NHSL3: variants seen among roughly 807,000 people sequenced by gnomAD.
NHSL3 encodes the protein NHS-like protein 3.
chr1:32,757,777 C>T, the NHSL3 span, among the ~76,000 whole-genome samples: 1 of 152,182 alleles, frequency 6.6e-6, no homozygotes, highest in Admixed American at 6.5e-5. Flanking sequence ...ATGGCTGAAT[C>T]TGGATTAAAA....
At chr1:32,770,090 C>T in the NHSL3 span, 1 of 1,556,332 alleles carries the variant, frequency 6.4e-7, no homozygotes, top group Non-Finnish European at 8.7e-7. The surrounding 1 kb of genome is among the most constrained non-coding windows in gnomAD (Gnocchi z 8.3). Flanking sequence ...CGGGATGACA[C>T]CTTTGTTGGC....
At chr1:32,750,537 C>A in the NHSL3 span, among the ~76,000 whole-genome samples, 1 of 152,120 alleles carries the variant, frequency 6.6e-6, no homozygotes, top group Non-Finnish European at 1.5e-5. Context: ...GACAGAGTTT[C>A]GCTCTTGTTT....
chr1:32,774,287 C>G, the NHSL3 span: 1 of 152,350 alleles, frequency 6.6e-6, no homozygotes, highest in Admixed American at 6.5e-5. Context: ...ACCTCCCCGC[C>G]CCCTCACCAA....
At chr1:32,753,081 GC>G in the NHSL3 span, among the ~76,000 whole-genome samples, 1 of 150,560 alleles carries the variant, frequency 6.6e-6, no homozygotes, top group Non-Finnish European at 1.5e-5. Context: ...CGATTCTCCT[GC>G]CTCAGCCTTC....
chr1:32,772,395 C>T, the NHSL3 span: 4 of 1,558,886 alleles, frequency 2.6e-6, no homozygotes, highest in African/African-American at 5.5e-5. Context: ...ATGGAGGTGT[C>T]CTGCAGCTGG....
the NHSL3 span, among the ~76,000 whole-genome samples, chr1:32,743,735 C>CTT: frequency 3.3e-5 from 5 of 152,206 alleles, no homozygotes; most frequent in African/African-American, 1.2e-4. Context: ...TAGGTCACTG[C>CTT]TCCAACAGCC....
At chr1:32,773,176 G>A in the NHSL3 span, 2 of 515,926 alleles carry the variant, frequency 3.9e-6, no homozygotes, top group Admixed American at 3.1e-5. Flanking sequence ...GGGTGGCTGC[G>A]CCCCCTGCTG....
the NHSL3 span, among the ~76,000 whole-genome samples, chr1:32,763,259 C>T: frequency 6.6e-6 from 1 of 152,182 alleles, no homozygotes; most frequent in Non-Finnish European, 1.5e-5. Flanking sequence ...GCTGGGGTTA[C>T]AGGCGTGAGC....
chr1:32,768,760 A>G, the NHSL3 span: 1 of 1,613,900 alleles, frequency 6.2e-7, no homozygotes, highest in Non-Finnish European at 8.5e-7. Context: ...CCGCTCGGAG[A>G]TGATCCAGCG....
the NHSL3 span, chr1:32,768,217 A>C: frequency 1.2e-6 from 1 of 853,132 alleles, no homozygotes; most frequent in Non-Finnish European, 2.0e-6. Flanking sequence ...CTTTATCACA[A>C]AGGGCTACAC....
chr1:32,760,103 G>C, the NHSL3 span, among the ~76,000 whole-genome samples: 1 of 152,224 alleles, frequency 6.6e-6, no homozygotes, highest in Non-Finnish European at 1.5e-5. Flanking sequence ...TGTGCAGTGA[G>C]GGGTTGAGGC....
the NHSL3 span, chr1:32,771,725 C>G: frequency 6.4e-5 from 103 of 1,613,466 alleles, no homozygotes; most frequent in Non-Finnish European, 8.1e-5. Context: ...AGTTCCGCCC[C>G]AGGGCATGTG....
the NHSL3 span, among the ~76,000 whole-genome samples, chr1:32,772,671 A>G: frequency 6.6e-6 from 1 of 152,108 alleles, no homozygotes; most frequent in Non-Finnish European, 1.5e-5. Flanking sequence ...TCCTAGCTAC[A>G]TTGTAAAGTG....
chr1:32,769,083 T>G, the NHSL3 span: 4 of 239,672 alleles, frequency 1.7e-5, no homozygotes, highest in African/African-American at 9.1e-5. Flanking sequence ...TGAAACCCCG[T>G]CTCTACTAAA....
the NHSL3 span, among the ~76,000 whole-genome samples, chr1:32,742,348 C>T: frequency 1.3e-5 from 2 of 152,236 alleles, no homozygotes; most frequent in South Asian, 2.1e-4. Flanking sequence ...ACACTTCCAC[C>T]CTGCGCTGCC....
the NHSL3 span, among the ~76,000 whole-genome samples, chr1:32,745,384 C>A: frequency 6.6e-6 from 1 of 151,602 alleles, no homozygotes; most frequent in African/African-American, 2.4e-5. Flanking sequence ...ATGGTGAAAC[C>A]CTGTCTCTAC....
the NHSL3 span, chr1:32,772,767 G>A: frequency 9.2e-6 from 11 of 1,189,578 alleles, no homozygotes; most frequent in African/African-American, 6.0e-5. Flanking sequence ...AAATCAAAGC[G>A]GTAAGAAGGT....
the NHSL3 span, among the ~76,000 whole-genome samples, chr1:32,767,279 G>A: frequency 0.01 from 1,538 of 152,230 alleles, 88 homozygotes; most frequent in East Asian, 0.15. Flanking sequence ...GTGTATACTC[G>A]GGATGTTTTT....
chr1:32,772,143 C>G, the NHSL3 span: 1 of 1,613,380 alleles, frequency 6.2e-7, no homozygotes, highest in South Asian at 1.1e-5. Context: ...GGCCCGTGTC[C>G]CCTGAGACCC....
Sources: allele counts gnomAD v4.1 joint callset (sites outside exome capture counted in the v4.1 genomes callset), GRCh38; gene constraint gnomAD v4.1.1; non-coding constraint Gnocchi (gnomAD v3.1); transcripts MANE v1.5; gene names NCBI Gene and HGNC (gene_info 2026-07-23, HGNC 2026-07-21).